Variants in IL1RAPL1 observed in about 807,000 individuals in gnomAD.
The protein encoded by IL1RAPL1 is interleukin-1 receptor accessory protein-like 1.
In IL1RAPL1, 3 loss-of-function variants were observed where a neutral mutation model predicts 48.4. That is an observed-to-expected ratio of 0.06 (90% confidence interval 0.03 to 0.16). The LOEUF is 0.16. IL1RAPL1 is among the 10% of genes least tolerant of loss of function. IL1RAPL1 has a pLI of 1.00. For synonymous variants in IL1RAPL1, 185 were observed against 187.7 expected (o/e 0.99, Z 0.12); for missense variants, 349 against 530.6 (o/e 0.66, Z 3.36).
At chrX:29,824,507 G>C (rs1001475775) in intron 6 of IL1RAPL1, among the ~76,000 whole-genome samples, 4 of 111,726 alleles carry the variant, frequency 3.6e-5, no homozygotes, top group Non-Finnish European at 7.5e-5. Context: ...TCCGAGGGTA[G>C]AATGTTTTAT....
chrX:29,435,045 A>C (rs1173785198), intron 5 of IL1RAPL1, among the ~76,000 whole-genome samples: 1 of 111,235 alleles, frequency 9.0e-6, no homozygotes, highest in Non-Finnish European at 1.9e-5. Flanking sequence ...TCATGTAAAC[A>C]GAATTATACA....
At chrX:29,758,718 T>C (rs1158924551) in intron 6 of IL1RAPL1, among the ~76,000 whole-genome samples, 2 of 109,224 alleles carry the variant, frequency 1.8e-5, no homozygotes, top group Admixed American at 2.0e-4. Context: ...ATAATAATAA[T>C]AATACAAATT....
At position 29,116,979 on chromosome X, in the gene IL1RAPL1, A is replaced by T. The variant is rs1284156136; in HGVS notation, c.83-165959A>T. On this transcript the variant is annotated intron_variant, in intron 2 of 10. Transcript: ENST00000378993. ...TATAACTATCAAATGAGGAGGTGGTATGGTACCAGTGGAGGAGAATCATTC... is the reference window on the plus strand; with the variant it reads ...TATAACTATCAAATGAGGAGGTGGTTTGGTACCAGTGGAGGAGAATCATTC... Among the ~76,000 whole-genome samples, 3 of 111,264 alleles carry T rather than the reference A, an allele frequency of 2.7e-5. No homozygotes were observed. In the East Asian group the frequency reaches 8.5e-4, roughly 32 times the overall value.
At chrX:29,749,224 ACTCTTAACATTATACTGACTCC>A (rs1184709971) in intron 6 of IL1RAPL1, among the ~76,000 whole-genome samples, 3 of 111,631 alleles carry the variant, frequency 2.7e-5, no homozygotes, top group African/African-American at 9.8e-5. Context: ...TGTTATACTC[ACTCTTAACATTATACTGACTCC>A]CTAGCCAGGT....
intron 3 of IL1RAPL1, among the ~76,000 whole-genome samples, chrX:29,355,686 A>G (rs1933292003): frequency 8.9e-6 from 1 of 112,097 alleles, no homozygotes; most frequent in Non-Finnish European, 1.9e-5. Context: ...AGTATGGCAT[A>G]GGGCCATAAA....
At chrX:29,741,922 CAAAAAAAAAAAAGAAAA>C (rs1330210730) in intron 6 of IL1RAPL1, among the ~76,000 whole-genome samples, 1 of 25,735 alleles carries the variant, frequency 3.9e-5, no homozygotes, top group African/African-American at 1.3e-4. Flanking sequence ...GAGACTCCGT[CAAAAAAAAAAAAGAAAA>C]AAAAAAAAAA....
intron 8 of IL1RAPL1, among the ~76,000 whole-genome samples, chrX:29,938,623 G>A (rs367941963): frequency 2.1e-4 from 24 of 112,287 alleles, no homozygotes; most frequent in African/African-American, 5.2e-4. Flanking sequence ...AATATAAAGC[G>A]TGTAGCTCTA....
intron 5 of IL1RAPL1, among the ~76,000 whole-genome samples, chrX:29,557,608 A>T (rs1306151794): frequency 9.0e-6 from 1 of 111,438 alleles, no homozygotes; most frequent in Non-Finnish European, 1.9e-5. Context: ...GCTGTACATT[A>T]AATTGAGATA....
chrX:29,058,226 A>C (rs2147430901), intron 2 of IL1RAPL1, among the ~76,000 whole-genome samples: 1 of 110,207 alleles, frequency 9.1e-6, no homozygotes, highest in African/African-American at 3.3e-5. Flanking sequence ...AAAATACAAA[A>C]ATTAGCTGGG....
At chrX:28,762,997 A>G (rs1936194909) in intron 1 of IL1RAPL1, among the ~76,000 whole-genome samples, 2 of 111,365 alleles carry the variant, frequency 1.8e-5, no homozygotes, top group Non-Finnish European at 3.8e-5. Flanking sequence ...CTGGTATGTC[A>G]GGGAACATTG....
chrX:29,721,339 AC>A (rs1385390492), intron 6 of IL1RAPL1, among the ~76,000 whole-genome samples: 1 of 111,717 alleles, frequency 9.0e-6, no homozygotes, highest in African/African-American at 3.3e-5. Flanking sequence ...TCTCTCCAGC[AC>A]CCAGGACAGA....
At chrX:28,966,994 G>T (rs779969748) in intron 2 of IL1RAPL1, among the ~76,000 whole-genome samples, 1 of 111,973 alleles carries the variant, frequency 8.9e-6, no homozygotes, top group South Asian at 3.7e-4. Context: ...TAGTTTGGTT[G>T]CAAATTCCAC....
chrX:28,994,894 G>A (rs1312288123), intron 2 of IL1RAPL1, among the ~76,000 whole-genome samples: 1 of 111,549 alleles, frequency 9.0e-6, no homozygotes, highest in Non-Finnish European at 1.9e-5. Flanking sequence ...CAAATTATAT[G>A]CCTTCAGCAG....
intron 5 of IL1RAPL1, among the ~76,000 whole-genome samples, chrX:29,501,209 A>G (rs767248772): frequency 1.4e-3 from 151 of 111,627 alleles, no homozygotes; most frequent in Non-Finnish European, 2.2e-3. Context: ...CCCTTGTCAG[A>G]TGGGTAGTTT....
chrX:28,954,726 A>G (rs1199726720), intron 2 of IL1RAPL1, among the ~76,000 whole-genome samples: 3 of 111,816 alleles, frequency 2.7e-5, no homozygotes, highest in Non-Finnish European at 5.7e-5. Context: ...CCACAATATT[A>G]AAAGAAATCT....
At position 29,168,673 on chromosome X, in the gene IL1RAPL1, G is replaced by GTATATATATTCATATATACAATTGTA. The variant is rs1569250876; in HGVS notation, c.83-114250_83-114249insATACAATTGTATATATATATTCATAT. 1.6e-4 allele frequency among the ~76,000 whole-genome samples: 12 copies of GTATATATATTCATATATACAATTGTA among 73,566 alleles called. 4 individuals carry two copies. Among genetic ancestry groups the GTATATATATTCATATATACAATTGTA allele is most frequent in the African/African-American group, 3.5e-4 (7 of 20,018 alleles). The allele number at this position is 73,566 out of a possible 115,157, so 63.9% of individuals were successfully genotyped here. Reference sequence around the variant, plus strand: ...ATTGTATATGTATTGTATATATATTGTATATATATTCATATGTACAATTGT... The same window carrying GTATATATATTCATATATACAATTGTA: ...ATTGTATATGTATTGTATATATATTGTATATATATTCATATATACAATTGTATATATATATTCATATGTACAATTGT... On this transcript the variant is annotated intron_variant, in intron 2 of 10. Transcript: ENST00000378993.
intron 2 of IL1RAPL1, among the ~76,000 whole-genome samples, chrX:29,075,039 G>T (rs908983683): frequency 3.6e-5 from 4 of 111,872 alleles, no homozygotes; most frequent in Non-Finnish European, 7.5e-5. Flanking sequence ...TAATGGCCTT[G>T]TTACAGTTCT....
chrX:29,839,564 G>A (rs763337228), intron 6 of IL1RAPL1, among the ~76,000 whole-genome samples: 9 of 111,897 alleles, frequency 8.0e-5, no homozygotes, highest in Non-Finnish European at 1.1e-4. Flanking sequence ...CTAAAATTAC[G>A]TATTATGCAT....
At chrX:28,930,520 GTA>G (rs1364105579) in intron 2 of IL1RAPL1, among the ~76,000 whole-genome samples, 11 of 112,098 alleles carry the variant, frequency 9.8e-5, no homozygotes, top group Non-Finnish European at 3.8e-5. Context: ...TGGGCATCGT[GTA>G]TAGAGTGTCT....
Sources: gnomAD v4.1 joint callset for allele counts (sites outside exome capture counted in the v4.1 genomes callset) on GRCh38, gnomAD v4.1.1 for gene constraint, MANE v1.5 for transcripts, NCBI Gene and HGNC (gene_info 2026-07-23, HGNC 2026-07-21) for gene names.